The following PRKACB variants were observed in gnomAD, a reference collection of about 807,000 sequenced individuals.
The protein encoded by PRKACB is protein kinase cAMP-activated catalytic subunit beta, also known as cAMP-dependent protein kinase catalytic subunit beta.
A neutral mutation model predicts 51.4 loss-of-function variants in PRKACB; 16 were observed. That is an observed-to-expected ratio of 0.31 (90% CI 0.21 to 0.47). The LOEUF (loss-of-function observed/expected upper bound fraction) is 0.47, where lower values mean the gene tolerates loss of function less well. Ranked by LOEUF, PRKACB falls within the 20% of genes least tolerant of loss-of-function variation. PRKACB has a pLI of 1.00. For synonymous variants in PRKACB, 147 were observed against 154.4 expected, an observed-to-expected ratio of 0.95 and a Z score of 0.35; for missense variants, 309 against 464.5, an observed-to-expected ratio of 0.67 and a Z score of 3.08.
At chr1:84,225,645 C>A (rs1304357006) in intron 9 of PRKACB, among the ~76,000 whole-genome samples, 1 of 152,128 alleles carries the variant, frequency 6.6e-6, no homozygotes, top group Non-Finnish European at 1.5e-5. Context: ...CTGGAACAAA[C>A]TCCCTCTCTG....
intron 5 of PRKACB, among the ~76,000 whole-genome samples, chr1:84,186,729 G>T (rs1163798521): frequency 2.0e-5 from 3 of 152,046 alleles, no homozygotes; most frequent in African/African-American, 7.2e-5. Context: ...GACTTGTTCT[G>T]GTTGTCTCTG....
intron 1 of PRKACB, among the ~76,000 whole-genome samples, chr1:84,114,151 A>G (rs559898283): frequency 6.6e-6 from 1 of 152,306 alleles, no homozygotes; most frequent in South Asian, 2.1e-4. Flanking sequence ...AGACATGAAC[A>G]TGATGTCCAT....
chr1:84,177,714 C>A (rs1283060575), intron 1 of PRKACB, among the ~76,000 whole-genome samples: 1 of 151,806 alleles, frequency 6.6e-6, no homozygotes, highest in African/African-American at 2.4e-5. Context: ...TGCACTCCAG[C>A]CTGAGTGACA....
intron 9 of PRKACB, among the ~76,000 whole-genome samples, chr1:84,222,840 A>G (rs652426): frequency 6.6e-6 from 1 of 152,216 alleles, no homozygotes; most frequent in East Asian, 1.9e-4. Flanking sequence ...TATATCATCC[A>G]ATTCTCTCCT....
intron 1 of PRKACB, among the ~76,000 whole-genome samples, chr1:84,105,108 A>G (rs1649629714): frequency 6.6e-6 from 1 of 152,240 alleles, no homozygotes; most frequent in Admixed American, 6.5e-5. Context: ...CTTAAATACA[A>G]TTCAGGATAG....
At chr1:84,105,866 C>G (rs1649698874) in intron 1 of PRKACB, among the ~76,000 whole-genome samples, 1 of 152,114 alleles carries the variant, frequency 6.6e-6, no homozygotes, top group South Asian at 2.1e-4. Context: ...GTGTAAGCCA[C>G]TACACCCAGC....
chr1:84,078,285 C>A (rs1270445108), exon 1 of PRKACB: 1 of 1,579,024 alleles, frequency 6.3e-7, no homozygotes, highest in Non-Finnish European at 8.6e-7. Context: ...GGCCCCAGCC[C>A]CCCTTCCCTT....
Position 84,197,780 on chromosome 1 carries a change from T to C in PRKACB, c.739T>C (p.Cys247Arg). 6.2e-7 allele frequency: 1 copy of C among 1,612,090 alleles called. No individual in the cohort carries two copies. Among genetic ancestry groups the C allele is most frequent in the Non-Finnish European group, 8.5e-7 (1 of 1,178,710 alleles). Residue 247 changes from cysteine (C) to arginine (R), a missense_variant, in exon 7 of 10, where the codon TGT (cysteine) becomes CGT (arginine). Physicochemically the swap from Cys to Arg is radical, Grantham distance 180. Transcript: ENST00000370685. Reference protein sequence around the residue: ...KRVKGRTWTLCGTPEYLAPEI... With the variant: ...KRVKGRTWTLRGTPEYLAPEI... ...AGTTAAAGGCAGAACTTGGACATTA[T>C]GTGGAACTCCAGAGTATTTGGCTCC...
intron 8 of PRKACB, among the ~76,000 whole-genome samples, chr1:84,207,774 C>T (rs1233764645): frequency 1.3e-5 from 2 of 152,122 alleles, no homozygotes; most frequent in African/African-American, 2.4e-5. Flanking sequence ...ATTTTTCCCT[C>T]CTTTCGAATA....
intron 8 of PRKACB, among the ~76,000 whole-genome samples, chr1:84,203,772 C>T (rs1670801425): frequency 6.6e-6 from 1 of 151,900 alleles, no homozygotes; most frequent in Non-Finnish European, 1.5e-5. Context: ...TCACATTAGC[C>T]TGAGATGTTA....
chr1:84,176,732 A>G (rs1194584674), intron 1 of PRKACB, among the ~76,000 whole-genome samples: 1 of 151,868 alleles, frequency 6.6e-6, no homozygotes, highest in African/African-American at 2.4e-5. Context: ...AAAATATAAT[A>G]ATATATTTGA....
In PRKACB at chr1:84,185,071, A is replaced by G. The variant is rs753446163; in HGVS notation, c.478-29A>G. On this transcript the variant is annotated intron_variant, in intron 4 of 9. Transcript: ENST00000370685. The stretch of plus-strand genomic sequence containing the variant: ...AAAATAATTTTGACCTAAGTTGAAT[A>G]ATTGTATTTCCTTTTTATTTGTTCA... 4.5e-6 allele frequency: 6 copies of G among 1,331,770 alleles called. No homozygotes were observed. The African/African-American group carries it at 9.3e-5, about 21-fold the overall frequency. 82.5% of individuals were successfully genotyped at this position (1,331,770 alleles called of 1,614,324 possible).
At chr1:84,123,182 T>C (rs923775570) in intron 1 of PRKACB, among the ~76,000 whole-genome samples, 1 of 152,200 alleles carries the variant, frequency 6.6e-6, no homozygotes, top group Non-Finnish European at 1.5e-5. Context: ...TTTATTGGAA[T>C]AGAATACCAC....
At chr1:84,225,729 T>C (rs1674478096) in intron 9 of PRKACB, among the ~76,000 whole-genome samples, 1 of 152,110 alleles carries the variant, frequency 6.6e-6, no homozygotes, top group Admixed American at 6.5e-5. Context: ...GTGGGGATCT[T>C]ACATGGCTAG....
In PRKACB at chr1:84,126,631, C is replaced by T. The variant is rs145582848; in HGVS notation, c.46+48260C>T. On this transcript the variant is annotated intron_variant, in intron 1 of 8. Coordinates refer to the PRKACB transcript ENST00000370688. ...CAGGAATGCATGTTCTCACTTTGGA[C>T]TGCAGGTCCAGGCTTGAGAGTGTGG... Among the ~76,000 whole-genome samples, 9 of 152,282 alleles carry T rather than the reference C, an allele frequency of 5.9e-5. No individual in the cohort carries two copies. The East Asian group carries it at 1.7e-3, about 29-fold the overall frequency.
intron 1 of PRKACB, among the ~76,000 whole-genome samples, chr1:84,121,891 G>A (rs1321738750): frequency 6.6e-6 from 1 of 151,992 alleles, no homozygotes; most frequent in Non-Finnish European, 1.5e-5. Context: ...TATTTTCCCT[G>A]CTATTCCAAG....
At position 84,214,377 on chromosome 1, in the gene PRKACB, G is replaced by T. The variant is rs2101579817; in HGVS notation, c.1071+60G>T. 4.3e-6 allele frequency: 6 copies of T among 1,404,746 alleles called. No individual in the cohort carries two copies. In the East Asian group the frequency reaches 1.5e-4, roughly 34 times the overall value. The allele number at this position is 1,404,746 out of a possible 1,614,324, so 87.0% of individuals were successfully genotyped here. ...AAAGTTGGTGTTTAAATTATATGTGGTGGAGATATTTTCAACTTAACACAT... is the reference window on the plus strand; with the variant it reads ...AAAGTTGGTGTTTAAATTATATGTGTTGGAGATATTTTCAACTTAACACAT... On this transcript the variant is annotated intron_variant, in intron 9 of 9. Coordinates refer to ENST00000370685, the MANE Select transcript of PRKACB (RefSeq NM_182948.4).
chr1:84,185,724 G>A (rs1434844775), intron 5 of PRKACB, among the ~76,000 whole-genome samples: 2 of 152,020 alleles, frequency 1.3e-5, no homozygotes, highest in East Asian at 3.9e-4. Context: ...AGATCTCAGA[G>A]TTATTAAAAT....
intron 5 of PRKACB, among the ~76,000 whole-genome samples, chr1:84,193,820 A>C (rs1419811561): frequency 6.6e-6 from 1 of 152,174 alleles, no homozygotes; most frequent in Non-Finnish European, 1.5e-5. Flanking sequence ...AACTTACACA[A>C]TTAACTTTCA....
Sources: gnomAD v4.1 joint callset for allele counts (sites outside exome capture counted in the v4.1 genomes callset) on GRCh38, gnomAD v4.1.1 for gene constraint, MANE v1.5 for transcripts, NCBI Gene and HGNC (gene_info 2026-07-23, HGNC 2026-07-21) for gene names.